The following TRAPPC9 variants were observed in gnomAD, a reference collection of about 807,000 sequenced individuals.
TRAPPC9 encodes the protein IKK2 binding protein.
In TRAPPC9, 83 loss-of-function variants were observed where a neutral mutation model predicts 124.0. The ratio of observed to expected loss-of-function variants is 0.67; its 90% CI spans 0.56 to 0.80. The LOEUF is 0.80. Ranked by LOEUF, TRAPPC9 falls within the 30% of genes least tolerant of loss-of-function variation. TRAPPC9 has a pLI of 0.00. For synonymous variants in TRAPPC9, 638 were observed against 617.5 expected (o/e 1.03, Z -0.49); for missense variants, 1,302 against 1,508.3 (o/e 0.86, Z 2.27).
intron 20 of TRAPPC9, among the ~76,000 whole-genome samples, chr8:139,900,233 C>T (rs530902317): frequency 4.7e-4 from 72 of 152,226 alleles, no homozygotes; most frequent in Non-Finnish European, 8.2e-4. Flanking sequence ...CTTCCAGAGA[C>T]GGCGCTGTTT....
intron 21 of TRAPPC9, among the ~76,000 whole-genome samples, chr8:139,852,945 C>G (rs1388188446): frequency 2.6e-5 from 4 of 152,348 alleles, no homozygotes; most frequent in Admixed American, 2.0e-4. Flanking sequence ...GAGTTCTGGC[C>G]TGCCCCCTGT....
chr8:140,076,502 G>A (rs1414680543), intron 17 of TRAPPC9, among the ~76,000 whole-genome samples: 1 of 152,240 alleles, frequency 6.6e-6, no homozygotes, highest in African/African-American at 2.4e-5. Flanking sequence ...AAGGAAGAGT[G>A]CAGAGGAGAG....
chr8:140,178,825 T>C lies in TRAPPC9; in HGVS notation c.2556+42634A>G, dbSNP rs888681142. ...AGGGCTATTTAGGCATTCCGTTTCA[T>C]CTTCAATAAATATTGGTGATGTGCA... On this transcript the variant is annotated intron_variant, in intron 17 of 22. Coordinates refer to ENST00000438773, the MANE Select transcript of TRAPPC9 (RefSeq NM_001160372.4). 2.6e-5 allele frequency among the ~76,000 whole-genome samples: 4 copies of C among 152,282 alleles called. 1 individual carries two copies. The Middle Eastern group carries it at 0.014, about 518-fold the overall frequency.
At chr8:139,979,754 G>GAGACCCACAGCGTCGAGGAC (rs1836760459) in intron 19 of TRAPPC9, among the ~76,000 whole-genome samples, 1 of 152,170 alleles carries the variant, frequency 6.6e-6, no homozygotes, top group Non-Finnish European at 1.5e-5. Context: ...GGGGAACCAA[G>GAGACCCACAGCGTCGAGGAC]AGACCCACAG....
At chr8:140,058,842 G>A (rs1352031267) in intron 17 of TRAPPC9, among the ~76,000 whole-genome samples, 1 of 152,188 alleles carries the variant, frequency 6.6e-6, no homozygotes, top group African/African-American at 2.4e-5. Flanking sequence ...TGGAGAAAGA[G>A]CTGGGAGCCG....
Position 140,037,376 on chromosome 8 carries a change from G to A in TRAPPC9, c.2557-13297C>T, listed in dbSNP as rs116531083. 6.8e-3 allele frequency among the ~76,000 whole-genome samples: 1,026 copies of A among 151,946 alleles called. 10 individuals carry two copies. Among genetic ancestry groups the A allele is most frequent in the African/African-American group, 0.023 (966 of 41,428 alleles). On this transcript the variant is annotated intron_variant, in intron 17 of 22. Coordinates refer to ENST00000438773, the MANE Select transcript of TRAPPC9 (RefSeq NM_001160372.4). ...TTACTAAATCAGTATTCAACAGTGAGAAAGGAAGATAAGATACTTGGAACA... is the reference window on the plus strand; with the variant it reads ...TTACTAAATCAGTATTCAACAGTGAAAAAGGAAGATAAGATACTTGGAACA...
At chr8:139,780,337 C>G (rs762947797) in intron 21 of TRAPPC9, among the ~76,000 whole-genome samples, 1 of 152,118 alleles carries the variant, frequency 6.6e-6, no homozygotes, top group Non-Finnish European at 1.5e-5. Context: ...CAGAAACAAA[C>G]AGATCACGGG....
intron 17 of TRAPPC9, among the ~76,000 whole-genome samples, chr8:140,206,475 C>T (rs535731959): frequency 6.6e-6 from 1 of 152,186 alleles, no homozygotes; most frequent in South Asian, 2.1e-4. Context: ...TCTCTGTATC[C>T]TGTCTTCCTT....
At chr8:140,268,692 G>C (rs889443410) in intron 15 of TRAPPC9, among the ~76,000 whole-genome samples, 6 of 152,122 alleles carry the variant, frequency 3.9e-5, no homozygotes, top group Non-Finnish European at 8.8e-5. Context: ...ATAAAGCCAG[G>C]GTGGCCCTAT....
At chr8:139,929,553 G>A (rs534153823) in intron 19 of TRAPPC9, among the ~76,000 whole-genome samples, 5 of 151,438 alleles carry the variant, frequency 3.3e-5, no homozygotes, top group African/African-American at 7.3e-5. Flanking sequence ...CCTGTGCTTC[G>A]GGCAGCCTCA....
intron 9 of TRAPPC9, among the ~76,000 whole-genome samples, chr8:140,344,792 A>C (rs1445639163): frequency 6.6e-6 from 1 of 152,166 alleles, no homozygotes; most frequent in Non-Finnish European, 1.5e-5. Context: ...CATCAGGTGG[A>C]CCTGGGAGGC....
At chr8:139,878,145 A>G (rs557081948) in intron 21 of TRAPPC9, among the ~76,000 whole-genome samples, 3 of 152,394 alleles carry the variant, frequency 2.0e-5, no homozygotes, top group African/African-American at 7.2e-5. Context: ...CAATAGAACA[A>G]GTATTAAATT....
chr8:139,867,506 A>ATCTTGT (rs1828625335), intron 21 of TRAPPC9, among the ~76,000 whole-genome samples: 1 of 152,218 alleles, frequency 6.6e-6, no homozygotes, highest in Non-Finnish European at 1.5e-5. Flanking sequence ...GATACTTAGT[A>ATCTTGT]ACAACAAAGA....
chr8:140,023,785 A>G, intron 18 of TRAPPC9, 152 bp downstream of exon 18: 4 of 1,189,358 alleles, frequency 3.4e-6, no homozygotes, highest in Non-Finnish European at 4.9e-6. Flanking sequence ...GGTTTCCTAA[A>G]GAAAAACCTA....
At chr8:140,382,738 G>T (rs2068645435) in intron 7 of TRAPPC9, among the ~76,000 whole-genome samples, 1 of 152,206 alleles carries the variant, frequency 6.6e-6, no homozygotes, top group African/African-American at 2.4e-5. Context: ...TGGGGACAGG[G>T]CATAGCCAAA....
intron 17 of TRAPPC9, among the ~76,000 whole-genome samples, chr8:140,173,040 T>G (rs747315805): frequency 2.6e-4 from 39 of 152,328 alleles, no homozygotes; most frequent in Non-Finnish European, 4.6e-4. Context: ...AGACAGTAGC[T>G]ATGGAGACAG....
intron 17 of TRAPPC9, among the ~76,000 whole-genome samples, chr8:140,086,929 CAAAAAAAG>C: frequency 1.3e-5 from 2 of 148,752 alleles, no homozygotes; most frequent in African/African-American, 5.1e-5. Context: ...GAGACTGTCT[CAAAAAAAG>C]AAAAAAAAAA....
rs538989671 is a variant in TRAPPC9 at position 140,204,012 on chromosome 8, T to C, written c.2556+17447A>G. ...ATGGACGATGATATGGTTTGGATGT[T>C]TGGTCTCCTCCAAATCTCAGGGTGA... is the stretch of plus-strand genomic sequence containing the variant. On this transcript the variant is annotated intron_variant, in intron 17 of 22. Coordinates refer to ENST00000438773, the MANE Select transcript of TRAPPC9 (RefSeq NM_001160372.4). Among the ~76,000 whole-genome samples, 28 of 152,240 alleles carry C rather than the reference T, an allele frequency of 1.8e-4. 1 individual carries two copies. The highest frequency in any genetic ancestry group is 9.8e-4 in the Admixed American group (15 of 15,288).
chr8:140,444,009 C>G (rs1171264200), intron 2 of TRAPPC9, among the ~76,000 whole-genome samples: 3 of 131,484 alleles, frequency 2.3e-5, no homozygotes, highest in African/African-American at 5.9e-5. Context: ...GCACTCCAGC[C>G]TGGGCGACAG....
Sources: allele counts gnomAD v4.1 joint callset (sites outside exome capture counted in the v4.1 genomes callset), GRCh38; gene constraint gnomAD v4.1.1; transcripts MANE v1.5; gene names NCBI Gene and HGNC (gene_info 2026-07-23, HGNC 2026-07-21).